Variants in TG observed in about 807,000 individuals in gnomAD.
TG encodes the protein thyroglobulin, also known as thyroid hormones.
In TG, 270 loss-of-function variants were observed where a neutral mutation model predicts 324.7. The observed-to-expected ratio is 0.83, with a 90% CI of 0.75 to 0.92. The LOEUF (loss-of-function observed/expected upper bound fraction) is 0.92. TG is among the 40% of genes least tolerant of loss of function. TG has a pLI of 0.00. For synonymous variants in TG, 1,401 were observed against 1,327.0 expected (o/e 1.06, Z -1.21); for missense variants, 3,591 against 3,456.4 (o/e 1.04, Z -0.98).
chr8:133,122,288 G>A (rs929960021), intron 45 of TG, among the ~76,000 whole-genome samples: 4 of 152,084 alleles, frequency 2.6e-5, no homozygotes, highest in African/African-American at 4.8e-5. Flanking sequence ...GAGGAGAGAG[G>A]GAAATCAAAA....
Position 133,095,086 on chromosome 8 carries a change from A to G in TG, c.7282A>G (p.Arg2428Gly), listed in dbSNP as rs1304268800. Residue 2428 changes from arginine (R) to glycine (G), a missense_variant, in exon 42 of 48, where the codon AGG (arginine) becomes GGG (glycine). Coordinates refer to ENST00000220616, the MANE Select transcript of TG (RefSeq NM_003235.5). ...LSPAAVISHE[R>G]AQQQAIALAK... Reference sequence around the variant, plus strand: ...CCCGGCCGCCGTCATCAGCCATGAGAGGGCTCAGCAGCAGGCAATTGCTTT... The same window carrying G: ...CCCGGCCGCCGTCATCAGCCATGAGGGGGCTCAGCAGCAGGCAATTGCTTT... The G allele has an allele frequency of 6.2e-7, 1 of 1,614,120 alleles. No individual in the cohort carries two copies. Among genetic ancestry groups the G allele is most frequent in the Non-Finnish European group, 8.5e-7 (1 of 1,180,032 alleles).
At chr8:133,132,166 C>T (rs1360932833) in intron 46 of TG, among the ~76,000 whole-genome samples, 2 of 152,240 alleles carry the variant, frequency 1.3e-5, no homozygotes, top group African/African-American at 4.8e-5. Context: ...ATTATACCAG[C>T]TGCATTTGAT....
rs368778322 is a variant in TG, at chr8:132,955,376, A to G, written c.5402-5632A>G. Among the ~76,000 whole-genome samples the G allele has an allele frequency of 5.1e-4, 77 of 152,306 alleles. 1 individual carries two copies. Among genetic ancestry groups the G allele is most frequent in the African/African-American group, 1.8e-3 (75 of 41,562 alleles). Reference sequence around the variant, plus strand: ...GAAAGGTTTATTTAAGACAGAACCAATACTATTCTCACAGCTGAACTCAAC... The same window carrying G: ...GAAAGGTTTATTTAAGACAGAACCAGTACTATTCTCACAGCTGAACTCAAC... On this transcript the variant is annotated intron_variant, in intron 27 of 47. Coordinates refer to ENST00000220616, the MANE Select transcript of TG (RefSeq NM_003235.5).
chr8:133,102,958 G>A (rs1229076630), intron 43 of TG: 3 of 251,514 alleles, frequency 1.2e-5, no homozygotes, highest in Admixed American at 1.0e-4. Context: ...GCACCTGGCA[G>A]CCCGAGGCGC....
intron 45 of TG, among the ~76,000 whole-genome samples, chr8:133,117,942 A>G (rs900378619): frequency 2.0e-5 from 3 of 152,222 alleles, no homozygotes; most frequent in Non-Finnish European, 2.9e-5. Flanking sequence ...AAATAAGACT[A>G]AAGTTTTTCC....
Position 133,038,310 on chromosome 8 carries a change from C to T in TG, c.7239+8287C>T, listed in dbSNP as rs1049529. ...CCCGACATGTCATGATCCAATGTTT[C>T]GTGATGCCACAGCCCTGATCAGACA... On this transcript the variant is annotated intron_variant, in intron 41 of 47. Transcript: ENST00000220616. The T allele has an allele frequency of 4.7e-4, 274 of 586,050 alleles. 2 individuals carry two copies. Among genetic ancestry groups the T allele is most frequent in the African/African-American group, 4.2e-3 (224 of 53,634 alleles). The allele number at this position is 586,050 out of a possible 1,614,324, so 36.3% of individuals were successfully genotyped here.
At position 133,013,478 on chromosome 8, in the gene TG, G is replaced by A. The variant is rs548485361; in HGVS notation, c.6398-122G>A. On this transcript the variant is annotated intron_variant, in intron 36 of 47. Transcript: ENST00000220616. ...GGATGGATTCATGGATGCATGATTG[G>A]ATAGAAGGATGGATGGATGGAAGGG... is the stretch of plus-strand genomic sequence containing the variant. 1.1e-5 allele frequency: 13 copies of A among 1,220,912 alleles called. No homozygotes were observed. The African/African-American group carries it at 1.8e-4, about 17-fold the overall frequency. The allele number at this position is 1,220,912 out of a possible 1,614,324, so 75.6% of individuals were successfully genotyped here.
At position 133,113,750 on chromosome 8, in the gene TG, G is replaced by A. The variant is rs987625788; in HGVS notation, c.7754+147G>A. 10 of 946,556 alleles carry A rather than the reference G, an allele frequency of 1.1e-5. No homozygotes were observed. The Admixed American group carries it at 2.1e-4, about 19-fold the overall frequency. 58.6% of individuals were successfully genotyped at this position (946,556 alleles called of 1,614,324 possible). A position where few individuals can be genotyped will look rare whatever the true frequency, so the allele number is the denominator to read the frequency against. ...ATCATTCATTCAGCCTACAGCATGG[G>A]GAGTGTCCCTGCTGAGGGGAAGCCC... On this transcript the variant is annotated intron_variant, in intron 44 of 47. Coordinates refer to ENST00000220616, the MANE Select transcript of TG (RefSeq NM_003235.5).
intron 41 of TG, among the ~76,000 whole-genome samples, chr8:133,065,987 G>A (rs890479339): frequency 3.9e-5 from 6 of 152,030 alleles, no homozygotes; most frequent in Non-Finnish European, 8.8e-5. Context: ...AAGAGAGCGA[G>A]GCCAGTTGAG....
chr8:133,007,813 G>A (rs1175024064), intron 35 of TG, among the ~76,000 whole-genome samples: 2 of 150,444 alleles, frequency 1.3e-5, no homozygotes, highest in Non-Finnish European at 1.5e-5. Context: ...AAGGGAGCCT[G>A]GAGTGTTGAG....
chr8:132,898,477 G>A (rs1381933218), intron 13 of TG, among the ~76,000 whole-genome samples: 1 of 152,222 alleles, frequency 6.6e-6, no homozygotes, highest in Non-Finnish European at 1.5e-5. Flanking sequence ...AGCTGAGACT[G>A]TTGAAGGAGC....
chr8:133,029,035 A>G (rs1037394286), intron 40 of TG, among the ~76,000 whole-genome samples: 1 of 152,166 alleles, frequency 6.6e-6, no homozygotes, highest in Admixed American at 6.5e-5. Flanking sequence ...AAAGTCAGAA[A>G]GGAAGAATGG....
chr8:133,029,623 C>T (rs575464603), intron 40 of TG, among the ~76,000 whole-genome samples, 198 bp from the exon 41 acceptor site: 1 of 152,164 alleles, frequency 6.6e-6, no homozygotes, highest in Non-Finnish European at 1.5e-5. Flanking sequence ...AGCATTCAGG[C>T]CTATGTGTGT....
intron 18 of TG, 75 bp downstream of exon 18, chr8:132,908,415 C>T (rs1587357535): frequency 7.7e-7 from 1 of 1,292,980 alleles, no homozygotes; most frequent in Middle Eastern, 2.3e-4. Flanking sequence ...CCTGAGGGCT[C>T]ACATTAACAC....
chr8:132,973,721 T>C (rs11785501), intron 34 of TG, among the ~76,000 whole-genome samples: 56,986 of 152,050 alleles, frequency 0.37, 11,049 homozygotes, highest in Non-Finnish European at 0.4. Flanking sequence ...ATCTTCATCC[T>C]GTGTCCCAGA....
Position 132,892,631 on chromosome 8 carries a change from T to C in TG, c.2762-1059T>C, listed in dbSNP as rs549220121. On this transcript the variant is annotated intron_variant, in intron 10 of 47. Transcript: ENST00000220616. Reference sequence around the variant, plus strand: ...GAAAACAGCTGAGGCAAAAATGTGCTCACGTGTGGGTGTGTATTGTGTAGT... The same window carrying C: ...GAAAACAGCTGAGGCAAAAATGTGCCCACGTGTGGGTGTGTATTGTGTAGT... Among the ~76,000 whole-genome samples, 4 of 152,274 alleles carry C rather than the reference T, an allele frequency of 2.6e-5. No individual in the cohort carries two copies. The East Asian group carries it at 7.7e-4, about 29-fold the overall frequency.
At chr8:133,129,785 T>C (rs1448033947) in intron 45 of TG, among the ~76,000 whole-genome samples, 1 of 152,162 alleles carries the variant, frequency 6.6e-6, no homozygotes, top group East Asian at 1.9e-4. Context: ...CCATGAGCCA[T>C]CACGCCCAGC....
Position 132,908,249 on chromosome 8 carries a change from A to C in TG, c.3911A>C (p.Lys1304Thr). The change falls in exon 18 of 48, where the codon AAG becomes ACG. Residue 1304 changes from lysine (K) to threonine (T), a missense_variant. Transcript: ENST00000220616. ...GHFQLQLPPG[K>T]MCSADYADLL... ...TTTCAGCTCCAGCTCCCGCCGGGCA[A>C]GATGTGCAGTGCTGACTACGCGGAT... The C allele has an allele frequency of 1.2e-6, 2 of 1,613,986 alleles. No homozygotes were observed. Among genetic ancestry groups the C allele is most frequent in the Non-Finnish European group, 1.7e-6 (2 of 1,179,968 alleles).
In TG at chr8:132,867,014, T is replaced by C. The variant is rs1316252643; in HGVS notation, c.14T>C (p.Leu5Pro). Residue 5 changes from leucine to proline, a missense_variant, in exon 1 of 48, where the codon CTG (leucine) becomes CCG (proline). Transcript: ENST00000220616. MALV[L>P]EIFTLLASIC... The stretch of plus-strand genomic sequence containing the variant: ...AGGGCCAGGAAAATGGCCCTGGTCC[T>C]GGAGATCTTCACCCTGCTGGCCTCC... 4.4e-6 allele frequency: 7 copies of C among 1,598,468 alleles called. No homozygotes were observed. Among genetic ancestry groups the C allele is most frequent in the Non-Finnish European group, 6.0e-6 (7 of 1,171,260 alleles).
Sources: gnomAD v4.1 joint callset for allele counts (sites outside exome capture counted in the v4.1 genomes callset) on GRCh38, gnomAD v4.1.1 for gene constraint, MANE v1.5 for transcripts, NCBI Gene and HGNC (gene_info 2026-07-23, HGNC 2026-07-21) for gene names.